The following MFSD11 variants were observed in gnomAD, a reference collection of about 807,000 sequenced individuals.
The protein encoded by MFSD11 is UNC93-like protein MFSD11.
A neutral mutation model predicts 53.5 loss-of-function variants in MFSD11; 36 were observed. The ratio of observed to expected loss-of-function variants is 0.67; its 90% CI spans 0.52 to 0.89. MFSD11 has a LOEUF of 0.89. MFSD11 is among the 40% of genes least tolerant of loss of function. MFSD11 has a pLI of 0.00. For synonymous variants in MFSD11, 186 were observed against 184.9 expected (o/e 1.01, Z -0.05); for missense variants, 530 against 543.9 (o/e 0.97, Z 0.25).
rs574436628 is a variant in MFSD11, at chr17:76,763,870, G to GT, written c.683-3506dup. ...TGAGGTACAACATGTTTTTGTTTTT[G>GT]TTTTTTTTTTGAGGCAGAATCTTGC... On this transcript the variant is annotated intron_variant, in intron 8 of 12. Coordinates refer to ENST00000685175, the MANE Select transcript of MFSD11 (RefSeq NM_001242532.5). 7.2e-3 allele frequency among the ~76,000 whole-genome samples: 1,039 copies of GT among 144,228 alleles called. 4 individuals are homozygous for GT. The highest frequency in any genetic ancestry group is 9.6e-3 in the Non-Finnish European group (624 of 65,310). 94.6% of individuals were successfully genotyped at this position (144,228 alleles called of 152,430 possible).
chr17:76,758,581 C>CAAA (rs56750819), intron 8 of MFSD11, among the ~76,000 whole-genome samples: 41 of 57,882 alleles, frequency 7.1e-4, no homozygotes, highest in African/African-American at 1.9e-3. Flanking sequence ...GACCAGGTCT[C>CAAA]AAAAAAAAAA....
the MFSD11 span, among the ~76,000 whole-genome samples, chr17:76,794,012 C>T: frequency 6.6e-6 from 1 of 151,354 alleles, no homozygotes; most frequent in Non-Finnish European, 1.5e-5. Flanking sequence ...CCCCTAGAGC[C>T]TCCAGGAACA....
chr17:76,763,799 C>A (rs1688936033), intron 8 of MFSD11, among the ~76,000 whole-genome samples: 1 of 151,598 alleles, frequency 6.6e-6, no homozygotes. Flanking sequence ...AAAAAAAATT[C>A]CCCCAACTTT....
At chr17:76,780,812 C>T (rs147604812), downstream of MFSD11, among the ~76,000 whole-genome samples, 1,149 of 152,282 alleles carry the variant, frequency 7.5e-3, 18 homozygotes, top group African/African-American at 0.025. Flanking sequence ...CTGCGCCCAG[C>T]GGCTCCAGAT....
At chr17:76,782,971 G>T (rs1029999861), downstream of MFSD11, among the ~76,000 whole-genome samples, 1 of 151,702 alleles carries the variant, frequency 6.6e-6, no homozygotes, top group Non-Finnish European at 1.5e-5. Flanking sequence ...AAGGTCAAGA[G>T]TTCGAGACCA....
chr17:76,761,786 T>G (rs944849843), intron 8 of MFSD11, among the ~76,000 whole-genome samples: 1 of 152,020 alleles, frequency 6.6e-6, no homozygotes, highest in African/African-American at 2.4e-5. Context: ...CCAGGCGTGG[T>G]GGCGGGTGCC....
intron 8 of MFSD11, among the ~76,000 whole-genome samples, chr17:76,755,812 A>T (rs868402580): frequency 0.027 from 525 of 19,492 alleles, 6 homozygotes; most frequent in Middle Eastern, 0.045. Flanking sequence ...ATATATATAT[A>T]TTTTTTTTTT....
the MFSD11 span, among the ~76,000 whole-genome samples, chr17:76,801,572 G>A: frequency 1.3e-5 from 2 of 151,284 alleles, no homozygotes; most frequent in Non-Finnish European, 2.9e-5. Context: ...TCAGGCTCCC[G>A]AGTAGCTGGG....
intron 6 of MFSD11, 76 bp downstream of exon 6, chr17:76,743,532 C>A: frequency 1.1e-6 from 1 of 918,336 alleles, no homozygotes; most frequent in Non-Finnish European, 1.6e-6. Flanking sequence ...CCCATTATTG[C>A]TTTATTCAAG....
chr17:76,773,808 A>G (rs1238049679), intron 10 of MFSD11, among the ~76,000 whole-genome samples: 1 of 152,098 alleles, frequency 6.6e-6, no homozygotes, highest in Non-Finnish European at 1.5e-5. Context: ...GGGTTTCACC[A>G]TGTTGGTCAG....
At chr17:76,754,428 A>G (rs1202004372) in intron 8 of MFSD11, among the ~76,000 whole-genome samples, 4 of 152,122 alleles carry the variant, frequency 2.6e-5, no homozygotes, top group Admixed American at 6.6e-5. Context: ...CGCGCCTGTA[A>G]TCTCAGCACT....
At chr17:76,774,754 A>G (rs2081660969) in intron 10 of MFSD11, among the ~76,000 whole-genome samples, 1 of 152,212 alleles carries the variant, frequency 6.6e-6, no homozygotes, top group South Asian at 2.1e-4. Flanking sequence ...ACAATAATTC[A>G]CAGAGAAGAA....
At chr17:76,737,282 G>C (rs758989770), upstream of MFSD11, 1 of 1,341,588 alleles carries the variant, frequency 7.5e-7, no homozygotes, top group Non-Finnish European at 9.9e-7. Flanking sequence ...AGGCCTTGCC[G>C]CAGAACAGCA....
chr17:76,791,663 A>G, the MFSD11 span, among the ~76,000 whole-genome samples: 1 of 148,780 alleles, frequency 6.7e-6, no homozygotes, highest in African/African-American at 2.5e-5. Context: ...CTGCCCCCCA[A>G]GCTGTACCCT....
chr17:76,777,085 G>A (rs888569671), intron 12 of MFSD11, among the ~76,000 whole-genome samples: 3 of 152,062 alleles, frequency 2.0e-5, no homozygotes, highest in African/African-American at 7.2e-5. Context: ...GGCTAACACG[G>A]TGAAACCCTG....
At chr17:76,786,167 C>T (rs558294771), downstream of MFSD11, among the ~76,000 whole-genome samples, 12 of 130,622 alleles carry the variant, frequency 9.2e-5, no homozygotes, top group Non-Finnish European at 1.4e-4. Flanking sequence ...TTTTTTGAGA[C>T]GGAGTGTTGC....
At chr17:76,775,214 G>A (rs748738857) in intron 11 of MFSD11, 43 bp downstream of exon 11, 21 of 1,583,834 alleles carry the variant, frequency 1.3e-5, no homozygotes, top group Admixed American at 3.4e-5. Context: ...GTACGGGTGG[G>A]AGGTAACGGA....
chr17:76,744,299 T>C, intron 6 of MFSD11, 23 bp from the exon 7 acceptor site: 1 of 1,599,142 alleles, frequency 6.3e-7, no homozygotes, highest in Non-Finnish European at 8.5e-7. Context: ...GATACTATCT[T>C]GTTTCTTCTT....
chr17:76,763,699 G>A (rs1326176577), intron 8 of MFSD11, among the ~76,000 whole-genome samples: 1 of 151,490 alleles, frequency 6.6e-6, no homozygotes, highest in Non-Finnish European at 1.5e-5. Flanking sequence ...TTCAGCAAAC[G>A]CTCTAGGAAA....
Sources: gnomAD v4.1 joint callset for allele counts (sites outside exome capture counted in the v4.1 genomes callset) on GRCh38, gnomAD v4.1.1 for gene constraint, MANE v1.5 for transcripts, NCBI Gene and HGNC (gene_info 2026-07-23, HGNC 2026-07-21) for gene names.